The following NSL1 variants were observed in gnomAD, a reference collection of about 807,000 sequenced individuals.
NSL1 encodes the protein NSL1 component of MIS12 kinetochore complex, also known as kinetochore-associated protein NSL1 homolog.
NSL1 carries 11 observed loss-of-function variants against 25.4 expected under a neutral mutation model. That is an observed-to-expected ratio of 0.43 (90% CI 0.27 to 0.72). The LOEUF (loss-of-function observed/expected upper bound fraction) is 0.72. Ranked by LOEUF, NSL1 falls within the 30% of genes least tolerant of loss-of-function variation. The pLI is 0.19. For synonymous variants in NSL1, 118 were observed against 120.6 expected, an observed-to-expected ratio of 0.98 and a Z score of 0.14; for missense variants, 330 against 342.7, an observed-to-expected ratio of 0.96 and a Z score of 0.29.
At chr1:212,761,262 T>G (rs974060367) in intron 4 of NSL1, among the ~76,000 whole-genome samples, 2 of 152,002 alleles carry the variant, frequency 1.3e-5, no homozygotes, top group African/African-American at 4.8e-5. Flanking sequence ...GAAAAAGAAA[T>G]CTATAGGACA....
rs1352719863 is a variant in NSL1, at chr1:212,760,078, C to T, written c.500-20477G>A. 2.6e-5 allele frequency among the ~76,000 whole-genome samples: 4 copies of T among 151,990 alleles called. No homozygotes were observed. The highest frequency in any genetic ancestry group is 4.4e-5 in the Non-Finnish European group (3 of 67,972). ...ACAGACCACCAAGACAACAGACCAT[C>T]GCCAGTGCCCAATCATACTGTCCAG... On this transcript the variant is annotated intron_variant, in intron 4 of 5. Coordinates refer to ENST00000366977, the MANE Select transcript of NSL1 (RefSeq NM_015471.4). The surrounding 1 kb of genome is among the most constrained non-coding windows in gnomAD (Gnocchi z 4.3).
chr1:212,727,084 T>G lies in NSL1; in HGVS notation c.*11324A>C. The G allele has an allele frequency of 6.8e-7, 1 of 1,475,636 alleles. No homozygotes were observed. 91.4% of individuals were successfully genotyped at this position (1,475,636 alleles called of 1,614,324 possible). On this transcript the variant is annotated 3_prime_UTR_variant, in exon 6 of 6. Transcript: ENST00000366977. ...TCTGGGTCACCCAGCTTCATCCTCT[T>G]CATCTTGCCAGTTCACCAGAGGCAG...
intron 3 of NSL1, 90 bp from the exon 4 acceptor site, chr1:212,782,516 T>A: frequency 1.1e-6 from 1 of 923,932 alleles, no homozygotes; most frequent in Non-Finnish European, 1.7e-6. Flanking sequence ...TACTATAGAG[T>A]CAGTACCATT....
At chr1:212,749,557 G>T (rs1658970422) in intron 4 of NSL1, among the ~76,000 whole-genome samples, 2 of 151,826 alleles carry the variant, frequency 1.3e-5, no homozygotes, top group South Asian at 4.2e-4. Flanking sequence ...AAAGTGATGG[G>T]ATTACAGGTG....
At chr1:212,753,427 T>A (rs1200001582) in intron 4 of NSL1, among the ~76,000 whole-genome samples, 1 of 152,242 alleles carries the variant, frequency 6.6e-6, no homozygotes, top group African/African-American at 2.4e-5. Flanking sequence ...TTTTTCTTGA[T>A]CATCACCAGA....
intron 4 of NSL1, among the ~76,000 whole-genome samples, chr1:212,761,527 T>G (rs1659564030): frequency 6.6e-6 from 1 of 152,144 alleles, no homozygotes; most frequent in East Asian, 1.9e-4. Context: ...TCGTCCCAGC[T>G]ACTTGGGAGG....
Position 212,735,547 on chromosome 1 carries a change from G to T in NSL1, c.*2861C>A, listed in dbSNP as rs928542636. ...AGGTCTAGGATAAGATTTTCTGTGG[G>T]CTTGTGTTATGGACTCAATGTTTGT... On this transcript the variant is annotated 3_prime_UTR_variant, in exon 6 of 6. Transcript: ENST00000366977. The T allele has an allele frequency of 3.0e-6, 3 of 985,214 alleles. No individual in the cohort carries two copies. The African/African-American group carries it at 5.2e-5, about 17-fold the overall frequency. 61.0% of individuals were successfully genotyped at this position (985,214 alleles called of 1,614,324 possible).
chr1:212,731,569 A>C lies in NSL1; in HGVS notation c.*6839T>G, dbSNP rs761565663. 2.5e-5 allele frequency: 25 copies of C among 985,300 alleles called. No individual in the cohort carries two copies. Among genetic ancestry groups the C allele is most frequent in the Non-Finnish European group, 3.0e-5 (25 of 829,910 alleles). The allele number at this position is 985,300 out of a possible 1,614,324, so 61.0% of individuals were successfully genotyped here. ...TTTAATTTTAAAAATCAAATCTATG[A>C]GGCTTCTATCAAAAATTATCAGTCC... is the stretch of plus-strand genomic sequence containing the variant. On this transcript the variant is annotated 3_prime_UTR_variant, in exon 6 of 6. Transcript: ENST00000366977.
intron 4 of NSL1, among the ~76,000 whole-genome samples, chr1:212,764,947 C>T (rs574258174): frequency 6.8e-5 from 10 of 146,244 alleles, no homozygotes; most frequent in Non-Finnish European, 1.2e-4. Flanking sequence ...TTCAAGGCTA[C>T]TATGAACACC....
At chr1:212,784,064 T>C (rs1206328259) in intron 3 of NSL1, 1 of 180,214 alleles carries the variant, frequency 5.5e-6, no homozygotes, top group East Asian at 1.4e-4. Flanking sequence ...TTTTCCATCC[T>C]TGTCTCAGAA....
Position 212,727,177 on chromosome 1 carries a change from C to A in NSL1, c.*11231G>T. ...CCTAGAGCTAGTCCACCAGGCTTGG[C>A]TCCTAATGTGTTAAATGGGGGTGAA... On this transcript the variant is annotated 3_prime_UTR_variant, in exon 6 of 6. Coordinates refer to ENST00000366977, the MANE Select transcript of NSL1 (RefSeq NM_015471.4). 6.4e-7 allele frequency: 1 copy of A among 1,563,550 alleles called. No homozygotes were observed. The highest frequency in any genetic ancestry group is 8.7e-7 in the Non-Finnish European group (1 of 1,154,988).
chr1:212,767,053 G>T (rs1659853963), intron 4 of NSL1, among the ~76,000 whole-genome samples: 1 of 152,038 alleles, frequency 6.6e-6, no homozygotes, highest in African/African-American at 2.4e-5. Flanking sequence ...TTCCCATCAA[G>T]ATACCACCAT....
At chr1:212,770,084 A>G (rs985426879) in intron 4 of NSL1, among the ~76,000 whole-genome samples, 1 of 152,144 alleles carries the variant, frequency 6.6e-6, no homozygotes, top group African/African-American at 2.4e-5. Context: ...CAAGAACAGT[A>G]AAAAAGGACA....
At chr1:212,756,237 A>C (rs1344868298) in intron 4 of NSL1, among the ~76,000 whole-genome samples, 1 of 152,038 alleles carries the variant, frequency 6.6e-6, no homozygotes, top group African/African-American at 2.4e-5. Flanking sequence ...CTCCCTCTGC[A>C]GCTTCCCGAG....
At chr1:212,753,816 G>A (rs1467124056) in intron 4 of NSL1, among the ~76,000 whole-genome samples, 4 of 152,246 alleles carry the variant, frequency 2.6e-5, no homozygotes, top group East Asian at 1.9e-4. Flanking sequence ...CTTATAAGCT[G>A]TAACAAGTAC....
Position 212,737,554 on chromosome 1 carries a change from A to C in NSL1, c.*854T>G, listed in dbSNP as rs1658280063. ...TCGTTTTCTCAGACTTCTCCCAGTGATTATATACCTGATATATAAACATCT... is the reference window on the plus strand; with the variant it reads ...TCGTTTTCTCAGACTTCTCCCAGTGCTTATATACCTGATATATAAACATCT... On this transcript the variant is annotated 3_prime_UTR_variant, in exon 6 of 6. Transcript: ENST00000366977. 1 of 974,412 alleles carries C rather than the reference A, an allele frequency of 1.0e-6. No homozygotes were observed. Among genetic ancestry groups the C allele is most frequent in the South Asian group, 4.7e-5 (1 of 21,078 alleles). The allele number at this position is 974,412 out of a possible 1,614,324, so 60.4% of individuals were successfully genotyped here. A position where few individuals can be genotyped will look rare whatever the true frequency, so the allele number is the denominator to read the frequency against.
intron 4 of NSL1, among the ~76,000 whole-genome samples, chr1:212,778,658 C>G (rs1660502421): frequency 6.6e-6 from 1 of 152,138 alleles, no homozygotes; most frequent in South Asian, 2.1e-4. Context: ...GCCTCGGCCT[C>G]CCGAGGTGCC....
intron 4 of NSL1, among the ~76,000 whole-genome samples, chr1:212,775,596 T>C (rs1438938143): frequency 7.1e-6 from 1 of 140,092 alleles, no homozygotes; most frequent in Non-Finnish European, 1.5e-5. Context: ...ACCCCACCTC[T>C]ACCAGAAAAA....
chr1:212,754,961 G>A (rs188161551), intron 4 of NSL1, among the ~76,000 whole-genome samples: 182 of 152,278 alleles, frequency 1.2e-3, no homozygotes, highest in Middle Eastern at 3.4e-3. Context: ...GCTCCAGCCT[G>A]GGATTGTTTG....
Sources: gnomAD v4.1 joint callset for allele counts (sites outside exome capture counted in the v4.1 genomes callset) on GRCh38, gnomAD v4.1.1 for gene constraint, Gnocchi (gnomAD v3.1) non-coding constraint, MANE v1.5 for transcripts, NCBI Gene and HGNC (gene_info 2026-07-23, HGNC 2026-07-21) for gene names.